ZNF683: variants seen among roughly 807,000 people sequenced by gnomAD.
ZNF683 encodes tissue-resident T-cell transcription regulator protein ZNF683.
Under a neutral mutation model 31.4 loss-of-function variants are expected in ZNF683, and 20 were observed. The ratio of observed to expected loss-of-function variants is 0.64; its 90% CI spans 0.45 to 0.93. The LOEUF (loss-of-function observed/expected upper bound fraction) is 0.93. Ranked by LOEUF, ZNF683 falls within the 40% of genes least tolerant of loss-of-function variation. ZNF683 has a pLI of 0.00. For synonymous variants in ZNF683, 264 were observed against 267.6 expected (o/e 0.99, Z 0.13); for missense variants, 621 against 637.2 (o/e 0.97, Z 0.27).
chr1:26,374,275 C>T (rs1257737238), upstream of ZNF683: 5 of 1,304,298 alleles, frequency 3.8e-6, no homozygotes, highest in Admixed American at 4.6e-5. Context: ...CTTCCCCACA[C>T]ACCTTTGGCT....
At chr1:26,373,011 G>C (rs552335743), upstream of ZNF683, among the ~76,000 whole-genome samples, 43 of 152,328 alleles carry the variant, frequency 2.8e-4, no homozygotes, top group African/African-American at 1.0e-3. Context: ...CACAAATTCT[G>C]GTGTGCGTGA....
chr1:26,374,017 G>A (rs1174576475), upstream of ZNF683, among the ~76,000 whole-genome samples: 1 of 150,494 alleles, frequency 6.6e-6, no homozygotes, highest in African/African-American at 2.5e-5. Context: ...CACTACGACA[G>A]CCACCCCCTC....
rs780332740 is a variant in ZNF683 at position 26,367,788 on chromosome 1, C to A, written c.124G>T (p.Ala42Ser). 3.2e-6 allele frequency: 5 copies of A among 1,586,584 alleles called. No individual in the cohort carries two copies. In the South Asian group the frequency reaches 4.6e-5, roughly 15 times the overall value. Residue 42 changes from alanine (A) to serine (S), a missense_variant, in exon 3 of 6, where the codon GCC becomes TCC. By Grantham distance (99) the Ala-to-Ser change is moderately conservative. Transcript: ENST00000349618. Reference sequence around the variant, plus strand: ...ACCATGTCTGGAAGTGGTCTGCAGGCTGAGAAGACCTGGAGGGCAGGGGCA... The same window carrying A: ...ACCATGTCTGGAAGTGGTCTGCAGGATGAGAAGACCTGGAGGGCAGGGGCA... ...QLFRGDQVFS[A>S]CRPLPDMVDA...
intron 4 of ZNF683, among the ~76,000 whole-genome samples, chr1:26,363,866 G>A (rs1289521018): frequency 6.6e-6 from 1 of 152,140 alleles, no homozygotes; most frequent in Admixed American, 6.5e-5. Flanking sequence ...GCTCATGAAA[G>A]TTTAAGAACT....
rs1373866551 is a variant in ZNF683, at chr1:26,367,680, GT to G, written c.231del (p.Gln78ArgfsTer5). 2 of 1,612,848 alleles carry G rather than the reference GT, an allele frequency of 1.2e-6. No individual in the cohort carries two copies. The highest frequency in any genetic ancestry group is 1.7e-6 in the Non-Finnish European group (2 of 1,179,730). The part of the protein sequence containing the change: ...APGRSALLAC[L>X]QDLDLNLCTP... ...GTGCACAGGTTCAGGTCCAGGTCCT[GT>G]AGGCAGGCCAGCAGTGCAGACCTGC... On this transcript the variant is annotated frameshift_variant, in exon 3 of 6. Coordinates refer to ENST00000349618, the MANE Select transcript of ZNF683 (RefSeq NM_001114759.3). LOFTEE classifies it high-confidence loss of function.
At chr1:26,364,504 G>A in intron 4 of ZNF683, 28 bp downstream of exon 4, 2 of 1,612,218 alleles carry the variant, frequency 1.2e-6, no homozygotes, top group South Asian at 1.1e-5. Flanking sequence ...GATGTTGAGG[G>A]GAGAAGCAGA....
At chr1:26,371,315 C>T (rs904538641) in intron 1 of ZNF683, among the ~76,000 whole-genome samples, 1 of 152,178 alleles carries the variant, frequency 6.6e-6, no homozygotes, top group Non-Finnish European at 1.5e-5. Flanking sequence ...AATTCAAGCA[C>T]ATGGCCAGGT....
Position 26,362,050 on chromosome 1 carries a change from TTTG to T in ZNF683, c.1144-31_1144-29del, listed in dbSNP as rs750327287. 7.4e-6 allele frequency: 12 copies of T among 1,613,972 alleles called. No homozygotes were observed. The African/African-American group carries it at 1.6e-4, about 22-fold the overall frequency. ...GACGGGAACGAGCACTGGCATCAGC[TTTG>T]TCCTCTGGGCTGGCTCAGGCATTCT... On this transcript the variant is annotated intron_variant, in intron 5 of 5. Transcript: ENST00000349618.
chr1:26,374,476 A>C, upstream of ZNF683: 1 of 1,130,130 alleles, frequency 8.8e-7, no homozygotes, highest in Middle Eastern at 3.8e-4. Flanking sequence ...AGACTCCCTC[A>C]GGTTCCCACG....
At chr1:26,371,473 A>C (rs1346874850) in intron 1 of ZNF683, among the ~76,000 whole-genome samples, 1 of 151,794 alleles carries the variant, frequency 6.6e-6, no homozygotes, top group Non-Finnish European at 1.5e-5. Flanking sequence ...GGTGACTTGC[A>C]CCTCTGGTCC....
chr1:26,364,696 G>A lies in ZNF683; in HGVS notation c.850C>T (p.Pro284Ser). Residue 284 changes from proline to serine, a missense_variant, in exon 4 of 6, where the codon CCA (proline) becomes TCA (serine). By Grantham distance (74) the Pro-to-Ser change is moderately conservative (BLOSUM62 -1). Transcript: ENST00000349618. ...GCCATGCCACCACGCTCCAGGCCTG[G>A]GGAGTCGGTTGGGGCAGCTCCAGCA... ...PGAGAAPTDS[P>S]GLERGGMASP... 6.2e-7 allele frequency: 1 copy of A among 1,613,924 alleles called. No individual in the cohort carries two copies.
At chr1:26,362,393 G>C (rs888921928) in intron 5 of ZNF683, among the ~76,000 whole-genome samples, 6 of 152,138 alleles carry the variant, frequency 3.9e-5, no homozygotes, top group Non-Finnish European at 7.3e-5. Flanking sequence ...ATTTACAGGG[G>C]GCTGCCACAT....
intron 5 of ZNF683, 172 bp from the exon 6 acceptor site, chr1:26,362,194 G>A: frequency 6.4e-7 from 1 of 1,570,014 alleles, no homozygotes; most frequent in African/African-American, 1.4e-5. Context: ...TTAGAACCAG[G>A]CCAACTTGGG....
At chr1:26,368,701 C>T in intron 1 of ZNF683, 116 bp from the exon 2 acceptor site, 4 of 1,237,170 alleles carry the variant, frequency 3.2e-6, no homozygotes, top group African/African-American at 1.6e-5. Flanking sequence ...CATGTCCCTT[C>T]CTGGACTCAG....
rs1404891618 is a variant in ZNF683 at position 26,372,496 on chromosome 1, C to T, written c.-15+173G>A. ...TCATGCAGGCATACATGGACTAGGTCGATCAGATGTCCCCACCCAGAAGGG... is the reference window on the plus strand; with the variant it reads ...TCATGCAGGCATACATGGACTAGGTTGATCAGATGTCCCCACCCAGAAGGG... On this transcript the variant is annotated intron_variant, in intron 1 of 5. Coordinates refer to ENST00000349618, the MANE Select transcript of ZNF683 (RefSeq NM_001114759.3). The T allele has an allele frequency of 6.9e-6, 9 of 1,304,618 alleles. No individual in the cohort carries two copies. In the African/African-American group the frequency reaches 7.6e-5, roughly 11 times the overall value. 80.8% of individuals were successfully genotyped at this position (1,304,618 alleles called of 1,614,324 possible).
Position 26,361,805 on chromosome 1 carries a change from C to T in ZNF683, c.1361G>A (p.Gly454Glu). 4 of 1,614,044 alleles carry T rather than the reference C, an allele frequency of 2.5e-6. No homozygotes were observed. The highest frequency in any genetic ancestry group is 1.1e-5 in the South Asian group (1 of 91,086). The change falls in exon 6 of 6, where the codon GGG (glycine) becomes GAG (glutamate). Residue 454 changes from glycine (G) to glutamate (E), a missense_variant. Coordinates refer to ENST00000349618, the MANE Select transcript of ZNF683 (RefSeq NM_001114759.3). ...SLACLAQWHQGALDLMAVASE... is the reference protein window; with the variant it reads ...SLACLAQWHQEALDLMAVASE... ...TGCCACCGCCATAAGATCTAGTGCC[C>T]CCTGGTGCCATTGGGCAAGGCAGGC...
intron 5 of ZNF683, among the ~76,000 whole-genome samples, chr1:26,362,662 C>G (rs1426199284): frequency 2.0e-5 from 3 of 152,112 alleles, no homozygotes; most frequent in African/African-American, 7.2e-5. Context: ...TCTGATTTCC[C>G]GAGGGATGTG....
In ZNF683 at chr1:26,368,529, G is replaced by T. The variant is rs756503747; in HGVS notation, c.43C>A (p.Pro15Thr). 1.0e-5 allele frequency: 16 copies of T among 1,606,676 alleles called. No homozygotes were observed. The African/African-American group carries it at 1.7e-4, about 17-fold the overall frequency. The change falls in exon 2 of 6, where the codon CCC (proline) becomes ACC (threonine). Residue 15 changes from proline to threonine, a missense_variant. Physicochemically the swap from Pro to Thr is conservative, Grantham distance 38. Transcript: ENST00000349618. ...SAAQLGCCHR[P>T]MALGGTGGSL... is the part of the protein sequence containing the mutation. ...CCCCCTGTACCTCCCAGGGCCATGGGCCTATGACAACAACCTAATTGTGCA... is the reference window on the plus strand; with the variant it reads ...CCCCCTGTACCTCCCAGGGCCATGGTCCTATGACAACAACCTAATTGTGCA...
At position 26,364,638 on chromosome 1, in the gene ZNF683, T is replaced by C; in HGVS notation, c.908A>G (p.Gln303Arg). Residue 303 changes from glutamine to arginine, a missense_variant, in exon 4 of 6, where the codon CAG (glutamine) becomes CGG (arginine). Transcript: ENST00000349618. The part of the protein sequence containing the change: ...SPAKRVPLSS[Q>R]TGTAALPYPL... ...GTAAGGCAAGGCTGCGGTGCCTGTC[T>C]GGGAACTCAATGGGACCCGCTTTGC... 1 of 1,614,044 alleles carries C rather than the reference T, an allele frequency of 6.2e-7. No homozygotes were observed. The highest frequency in any genetic ancestry group is 8.5e-7 in the Non-Finnish European group (1 of 1,179,900).
Sources: gnomAD v4.1 joint callset for allele counts (sites outside exome capture counted in the v4.1 genomes callset) on GRCh38, gnomAD v4.1.1 for gene constraint, MANE v1.5 for transcripts, NCBI Gene and HGNC (gene_info 2026-07-23, HGNC 2026-07-21) for gene names.